EYS: variants seen among roughly 807,000 people sequenced by gnomAD.
EYS encodes protein eyes shut homolog.
Under a neutral mutation model 282.1 loss-of-function variants are expected in EYS, and 250 were observed. That is an observed-to-expected ratio of 0.89 (90% CI 0.80 to 0.98). EYS has a LOEUF of 0.98. Among genes scored for constraint, EYS ranks in the 50% least tolerant of loss-of-function variants. The pLI is 0.00. For synonymous variants in EYS, 1,355 were observed against 1,282.9 expected (o/e 1.06, Z -1.20); for missense variants, 4,016 against 3,709.0 (o/e 1.08, Z -2.15).
chr6:65,602,222 C>G (rs1020696736), intron 2 of EYS, among the ~76,000 whole-genome samples: 4 of 151,856 alleles, frequency 2.6e-5, no homozygotes, highest in Admixed American at 2.0e-4. Flanking sequence ...ACAAGATGTA[C>G]ACAAAAGTAT....
At chr6:64,216,767 G>A (rs577011009) in intron 31 of EYS, among the ~76,000 whole-genome samples, 32 of 152,240 alleles carry the variant, frequency 2.1e-4, no homozygotes, top group African/African-American at 6.5e-4. Flanking sequence ...TCCTTAGTCC[G>A]AAGAAGTCCA....
intron 2 of EYS, among the ~76,000 whole-genome samples, chr6:65,610,944 C>T (rs1286031458): frequency 1.3e-5 from 2 of 151,916 alleles, no homozygotes; most frequent in Admixed American, 1.3e-4. Flanking sequence ...TATCTTTATG[C>T]CACACTGGAA....
intron 14 of EYS, 89 bp downstream of exon 14, chr6:64,997,493 C>T: frequency 7.9e-7 from 1 of 1,261,214 alleles, no homozygotes; most frequent in Non-Finnish European, 1.1e-6. Flanking sequence ...ACTAACCTAA[C>T]ACACAGGCAA....
At chr6:65,055,838 T>G (rs149133497) in intron 13 of EYS, among the ~76,000 whole-genome samples, 11 of 152,154 alleles carry the variant, frequency 7.2e-5, no homozygotes, top group Admixed American at 1.3e-4. Context: ...TGTATGTTGA[T>G]GTTAACCTTG....
intron 1 of EYS, among the ~76,000 whole-genome samples, chr6:65,682,310 G>T (rs1290884438): frequency 1.3e-5 from 2 of 151,864 alleles, no homozygotes; most frequent in Admixed American, 6.6e-5. Context: ...TCCAATCTTA[G>T]CTACGGAGTG....
intron 11 of EYS, among the ~76,000 whole-genome samples, chr6:65,297,080 A>T (rs1768688150): frequency 6.6e-6 from 1 of 151,538 alleles, no homozygotes; most frequent in Non-Finnish European, 1.5e-5. Context: ...ATCTAGGCAT[A>T]GTTATAAGTT....
At chr6:64,763,944 G>A (rs1202758740) in intron 22 of EYS, among the ~76,000 whole-genome samples, 2 of 152,150 alleles carry the variant, frequency 1.3e-5, no homozygotes, top group East Asian at 1.9e-4. Context: ...AGGGCACATC[G>A]ATGCAAGAGG....
chr6:65,321,658 A>T (rs1582139604), intron 11 of EYS, among the ~76,000 whole-genome samples: 1 of 152,346 alleles, frequency 6.6e-6, no homozygotes, highest in East Asian at 1.9e-4. Context: ...GGCTATAACC[A>T]GCACTATGGT....
At chr6:65,445,230 T>C (rs970227951) in intron 5 of EYS, among the ~76,000 whole-genome samples, 1 of 151,938 alleles carries the variant, frequency 6.6e-6, no homozygotes, top group Non-Finnish European at 1.5e-5. Context: ...TGAATATTTC[T>C]TATAACTTTT....
intron 26 of EYS, among the ~76,000 whole-genome samples, chr6:64,494,041 A>G (rs1404627384): frequency 1.3e-5 from 2 of 151,602 alleles, no homozygotes; most frequent in African/African-American, 2.4e-5. Flanking sequence ...ACTAGAACAT[A>G]GTAGAGTTGG....
chr6:65,307,543 A>G (rs1769046520), intron 11 of EYS, among the ~76,000 whole-genome samples: 1 of 142,964 alleles, frequency 7.0e-6, no homozygotes, highest in Non-Finnish European at 1.6e-5. Context: ...TTGAGAAGTG[A>G]TAGTCCCTAA....
chr6:64,440,254 A>G (rs993160588), intron 26 of EYS, among the ~76,000 whole-genome samples: 2 of 151,998 alleles, frequency 1.3e-5, no homozygotes, highest in Non-Finnish European at 2.9e-5. Context: ...CTGTACTTTA[A>G]AACTTCAAGA....
At chr6:64,812,456 T>C (rs1162254141) in intron 22 of EYS, among the ~76,000 whole-genome samples, 1 of 151,810 alleles carries the variant, frequency 6.6e-6, no homozygotes, top group East Asian at 1.9e-4. Flanking sequence ...ACACACCAAA[T>C]AAAAAATACA....
intron 12 of EYS, among the ~76,000 whole-genome samples, chr6:65,286,276 T>A (rs1768359412): frequency 6.6e-6 from 1 of 151,882 alleles, no homozygotes; most frequent in African/African-American, 2.4e-5. Flanking sequence ...ATTATCTCAA[T>A]CTCTGCCAAA....
chr6:63,956,565 G>A (rs944223171), intron 35 of EYS, among the ~76,000 whole-genome samples: 1 of 152,084 alleles, frequency 6.6e-6, no homozygotes, highest in African/African-American at 2.4e-5. Flanking sequence ...CGTTTGGTGG[G>A]TATTTAAAGC....
Position 64,155,511 on chromosome 6 carries a change from T to TG in EYS, c.6425-73510dup, listed in dbSNP as rs376547746. ...AAGCAAAGTTAAGAGGCACATGCAT[T>TG]GGGGTAACTTTTAAGGGGTCAATAG... On this transcript the variant is annotated intron_variant, in intron 31 of 42. Coordinates refer to ENST00000503581, the MANE Select transcript of EYS (RefSeq NM_001142800.2). Among the ~76,000 whole-genome samples, 99 of 152,182 alleles carry TG rather than the reference T, an allele frequency of 6.5e-4. 2 individuals carry two copies. The highest frequency in any genetic ancestry group is 2.3e-3 in the African/African-American group (95 of 41,538).
At chr6:63,737,332 T>G (rs1222615192) in intron 41 of EYS, among the ~76,000 whole-genome samples, 19 of 152,296 alleles carry the variant, frequency 1.2e-4, no homozygotes, top group Admixed American at 5.9e-4. Context: ...CTTTTCTGCA[T>G]CTATTGAGAT....
intron 8 of EYS, among the ~76,000 whole-genome samples, chr6:65,373,700 C>A (rs2150343666): frequency 6.6e-6 from 1 of 152,130 alleles, no homozygotes; most frequent in South Asian, 2.1e-4. Flanking sequence ...ATGGATTCAT[C>A]TTTTATTATA....
At chr6:63,873,494 T>A (rs140089303) in intron 35 of EYS, among the ~76,000 whole-genome samples, 15 of 152,338 alleles carry the variant, frequency 9.8e-5, no homozygotes, top group African/African-American at 3.6e-4. Flanking sequence ...GTAGCGTGAT[T>A]TATATTCCTT....
Sources: gnomAD v4.1 joint callset for allele counts (sites outside exome capture counted in the v4.1 genomes callset) on GRCh38, gnomAD v4.1.1 for gene constraint, MANE v1.5 for transcripts, NCBI Gene and HGNC (gene_info 2026-07-23, HGNC 2026-07-21) for gene names.